MAGI2: variants seen among roughly 807,000 people sequenced by gnomAD.
MAGI2 encodes the protein membrane associated guanylate kinase, WW and PDZ domain containing 2.
Under a neutral mutation model 133.3 loss-of-function variants are expected in MAGI2, and 35 were observed. The ratio of observed to expected loss-of-function variants is 0.26; its 90% CI spans 0.20 to 0.35. The LOEUF (loss-of-function observed/expected upper bound fraction) is 0.35, where lower values mean the gene tolerates loss of function less well. Among genes scored for constraint, MAGI2 ranks in the 10% least tolerant of loss-of-function variants. The probability of loss-of-function intolerance (pLI) is 1.00; values close to 1 mark genes in which losing one functional copy is unlikely to be tolerated. For missense variants in MAGI2, 1,636 were observed against 1,863.4 expected, an observed-to-expected ratio of 0.88 and a Z score of 2.25; for synonymous variants, 729 against 710.6, an observed-to-expected ratio of 1.03 and a Z score of -0.41.
intron 1 of MAGI2, among the ~76,000 whole-genome samples, chr7:79,267,293 A>AC (rs1834542977): frequency 6.6e-6 from 1 of 151,928 alleles, no homozygotes; most frequent in South Asian, 2.1e-4. Flanking sequence ...GGGTAAGGGG[A>AC]CCCCAGTTTG....
intron 6 of MAGI2, among the ~76,000 whole-genome samples, chr7:78,412,148 CAT>C (rs2151380014): frequency 6.6e-6 from 1 of 152,160 alleles, no homozygotes; most frequent in East Asian, 1.9e-4. Context: ...TCTTCCAATG[CAT>C]TGATAAAACT....
chr7:79,183,111 G>T (rs148046547), intron 1 of MAGI2, among the ~76,000 whole-genome samples: 1 of 151,788 alleles, frequency 6.6e-6, no homozygotes. Context: ...TTAGATAGAA[G>T]AAATAAGTTC....
intron 10 of MAGI2, among the ~76,000 whole-genome samples, chr7:78,229,834 T>C (rs1176349447): frequency 6.6e-6 from 1 of 152,116 alleles, no homozygotes; most frequent in Non-Finnish European, 1.5e-5. Context: ...CTGGCAGAAG[T>C]GGTCAAGCAT....
At chr7:78,613,496 T>C (rs1806701107) in intron 3 of MAGI2, among the ~76,000 whole-genome samples, 1 of 152,188 alleles carries the variant, frequency 6.6e-6, no homozygotes, top group Admixed American at 6.5e-5. Context: ...CTTTCTAGGA[T>C]ATAAAGTTGA....
chr7:79,260,817 T>C (rs1483952201), intron 1 of MAGI2, among the ~76,000 whole-genome samples: 2 of 152,214 alleles, frequency 1.3e-5, no homozygotes, highest in Non-Finnish European at 2.9e-5. Flanking sequence ...TCTCATTATG[T>C]ATTTCTAAAT....
chr7:78,853,202 A>G (rs1053612905), intron 2 of MAGI2, among the ~76,000 whole-genome samples: 4 of 151,968 alleles, frequency 2.6e-5, no homozygotes, highest in African/African-American at 9.7e-5. Flanking sequence ...GTTGTGAGGA[A>G]CAACATAACT....
chr7:78,598,598 G>A (rs1804862642), intron 3 of MAGI2, among the ~76,000 whole-genome samples: 1 of 152,120 alleles, frequency 6.6e-6, no homozygotes, highest in Non-Finnish European at 1.5e-5. Context: ...TAAAATGATT[G>A]GATTAGTACT....
intron 1 of MAGI2, among the ~76,000 whole-genome samples, chr7:79,172,494 T>A (rs1585114313): frequency 3.3e-5 from 5 of 152,154 alleles, no homozygotes; most frequent in Admixed American, 3.3e-4. Context: ...AGAAACACAA[T>A]GCAGATTTAA....
At chr7:78,209,340 C>G (rs1787518970) in intron 10 of MAGI2, among the ~76,000 whole-genome samples, 2 of 143,266 alleles carry the variant, frequency 1.4e-5, no homozygotes, top group South Asian at 2.4e-4. Context: ...CGGCTCACTG[C>G]AAGCTCCGCC....
intron 1 of MAGI2, among the ~76,000 whole-genome samples, chr7:79,036,309 T>A (rs910959610): frequency 6.6e-6 from 1 of 152,220 alleles, no homozygotes; most frequent in East Asian, 1.9e-4. Flanking sequence ...TTGAGGATTA[T>A]CACACTACTT....
intron 21 of MAGI2, among the ~76,000 whole-genome samples, chr7:78,027,354 G>A (rs752659385): frequency 1.1e-4 from 16 of 151,916 alleles, no homozygotes; most frequent in Admixed American, 2.6e-4. Flanking sequence ...CAGGCCAGGC[G>A]CGGTGGCTCA....
chr7:79,426,359 G>A (rs958167224), intron 1 of MAGI2, among the ~76,000 whole-genome samples: 1 of 151,380 alleles, frequency 6.6e-6, no homozygotes, highest in Non-Finnish European at 1.5e-5. Flanking sequence ...TTTCTTTCGC[G>A]GCATTTTCAT....
At chr7:78,579,678 A>C (rs1200159482) in intron 3 of MAGI2, among the ~76,000 whole-genome samples, 5 of 152,174 alleles carry the variant, frequency 3.3e-5, no homozygotes, top group East Asian at 1.9e-4. Context: ...TTAAAAATTT[A>C]CTATTCTATT....
intron 1 of MAGI2, among the ~76,000 whole-genome samples, chr7:79,318,752 G>A (rs886650870): frequency 1.3e-5 from 2 of 152,018 alleles, no homozygotes; most frequent in South Asian, 4.1e-4. Flanking sequence ...CTCACACGAC[G>A]TTGAAAAAAT....
intron 1 of MAGI2, among the ~76,000 whole-genome samples, chr7:79,013,314 G>T (rs1808367614): frequency 6.6e-6 from 1 of 152,118 alleles, no homozygotes. Flanking sequence ...TACATCATCA[G>T]TAGACAACTG....
At chr7:78,135,239 G>A (rs1307288578) in intron 16 of MAGI2, 33 bp from the exon 17 acceptor site, 5 of 1,554,320 alleles carry the variant, frequency 3.2e-6, no homozygotes, top group Middle Eastern at 3.4e-4. Context: ...AGGTATCAGG[G>A]ACATCACCAA....
At chr7:78,888,179 G>A (rs550436146) in intron 2 of MAGI2, among the ~76,000 whole-genome samples, 109 of 152,320 alleles carry the variant, frequency 7.2e-4, no homozygotes, top group African/African-American at 2.5e-3. Flanking sequence ...GGAAGGCTGG[G>A]GGAGGGGCGC....
At chr7:78,653,789 AAAAC>A (rs1323998496) in intron 2 of MAGI2, among the ~76,000 whole-genome samples, 5 of 152,006 alleles carry the variant, frequency 3.3e-5, no homozygotes, top group Non-Finnish European at 7.4e-5. Context: ...AAAAAAAAAA[AAAAC>A]AAGGATAAAG....
intron 1 of MAGI2, among the ~76,000 whole-genome samples, chr7:79,311,963 T>C (rs2129560723): frequency 6.6e-6 from 1 of 152,276 alleles, no homozygotes; most frequent in Non-Finnish European, 1.5e-5. Context: ...GAATATCACC[T>C]CTTACTGCCT....
Sources: gnomAD v4.1 joint callset for allele counts (sites outside exome capture counted in the v4.1 genomes callset) on GRCh38, gnomAD v4.1.1 for gene constraint, MANE v1.5 for transcripts, NCBI Gene and HGNC (gene_info 2026-07-23, HGNC 2026-07-21) for gene names.